The following NF2 variants were observed in gnomAD, a reference collection of about 807,000 sequenced individuals.
The protein encoded by NF2 is NF2, moesin-ezrin-radixin like (MERLIN) tumor suppressor.
Under a neutral mutation model 83.7 loss-of-function variants are expected in NF2, and 8 were observed. That is an observed-to-expected ratio of 0.10 (90% CI 0.06 to 0.17). The LOEUF (loss-of-function observed/expected upper bound fraction) is 0.17, where lower values mean the gene tolerates loss of function less well. NF2 is among the 10% of genes least tolerant of loss of function. NF2 has a pLI of 1.00. For synonymous variants in NF2, 266 were observed against 269.6 expected (o/e 0.99, Z 0.13); for missense variants, 533 against 744.4 (o/e 0.72, Z 3.31).
chr22:29,683,675 T>C (rs1369938346), intron 15 of NF2: 1 of 1,076,266 alleles, frequency 9.3e-7, no homozygotes, highest in East Asian at 4.8e-5. Context: ...TGTCTGTTCA[T>C]CTGTGCTCAG....
At chr22:29,670,087 C>T (rs2066736329) in intron 10 of NF2, among the ~76,000 whole-genome samples, 1 of 152,000 alleles carries the variant, frequency 6.6e-6, no homozygotes, top group African/African-American at 2.4e-5. Context: ...TAACCTCAAG[C>T]TCCTGGGCTT....
intron 8 of NF2, among the ~76,000 whole-genome samples, chr22:29,663,410 A>G (rs1276648807): frequency 1.3e-5 from 2 of 152,236 alleles, no homozygotes; most frequent in African/African-American, 4.8e-5. Flanking sequence ...CAGTAAGCAG[A>G]CCCCAAGCTG....
chr22:29,674,542 C>T (rs958857157), intron 12 of NF2, among the ~76,000 whole-genome samples: 1 of 152,234 alleles, frequency 6.6e-6, no homozygotes, highest in African/African-American at 2.4e-5. Context: ...GCTGCTGGTG[C>T]CCTCTCCAGC....
At chr22:29,679,855 C>A (rs1270470168) in intron 14 of NF2, among the ~76,000 whole-genome samples, 2 of 147,952 alleles carry the variant, frequency 1.4e-5, no homozygotes, top group African/African-American at 5.0e-5. Flanking sequence ...AACAGAGAGA[C>A]ACCCTGTCTC....
At chr22:29,645,158 T>A (rs1425392316) in intron 4 of NF2, among the ~76,000 whole-genome samples, 1 of 152,206 alleles carries the variant, frequency 6.6e-6, no homozygotes, top group Non-Finnish European at 1.5e-5. Flanking sequence ...GAAAAAAGGC[T>A]ATACATGCTA....
chr22:29,663,283 G>A (rs546075985), intron 8 of NF2, among the ~76,000 whole-genome samples: 5 of 152,240 alleles, frequency 3.3e-5, no homozygotes, highest in Admixed American at 1.3e-4. Flanking sequence ...CTAAACACCC[G>A]TTCTTCAAAG....
At chr22:29,680,572 T>C (rs2067101377) in intron 14 of NF2, among the ~76,000 whole-genome samples, 1 of 152,150 alleles carries the variant, frequency 6.6e-6, no homozygotes, top group Non-Finnish European at 1.5e-5. Flanking sequence ...TGCCTTGTAG[T>C]TGGACACTTT....
chr22:29,690,780 G>A (rs551004726), intron 15 of NF2, among the ~76,000 whole-genome samples: 11 of 152,320 alleles, frequency 7.2e-5, no homozygotes, highest in African/African-American at 2.6e-4. Flanking sequence ...CCCATGCCTG[G>A]TGCGGAGGCT....
chr22:29,623,845 G>A (rs1177763348), intron 1 of NF2, among the ~76,000 whole-genome samples: 2 of 152,164 alleles, frequency 1.3e-5, no homozygotes, highest in East Asian at 3.8e-4. Flanking sequence ...TTTCCCCCAG[G>A]CCTCAGTTCT....
In NF2 at chr22:29,668,581, T is replaced by G. The variant is rs185436329; in HGVS notation, c.999+135T>G. On this transcript the variant is annotated intron_variant, in intron 10 of 15. Coordinates refer to ENST00000338641, the MANE Select transcript of NF2 (RefSeq NM_000268.4). ...GCTCTTGTTTTATACCTTTTGGATC[T>G]TCATTTGCCGATGCCTACCTGGTGG... is the stretch of plus-strand genomic sequence containing the variant. 174 of 701,862 alleles carry G rather than the reference T, an allele frequency of 2.5e-4. No homozygotes were observed. In the African/African-American group the frequency reaches 2.7e-3, roughly 11 times the overall value. The allele number at this position is 701,862 out of a possible 1,614,324, so 43.5% of individuals were successfully genotyped here.
chr22:29,644,328 C>T (rs2065915132), intron 4 of NF2, among the ~76,000 whole-genome samples: 1 of 150,066 alleles, frequency 6.7e-6, no homozygotes, highest in Admixed American at 6.6e-5. Flanking sequence ...CGATGGGCGG[C>T]CGGGCAGAGA....
In NF2 at chr22:29,681,644, C is replaced by G. The variant is rs532587413; in HGVS notation, c.1737+43C>G. The G allele has an allele frequency of 2.5e-6, 4 of 1,611,808 alleles. No individual in the cohort carries two copies. In the East Asian group the frequency reaches 8.9e-5, roughly 36 times the overall value. On this transcript the variant is annotated intron_variant, in intron 15 of 15. Coordinates refer to ENST00000338641, the MANE Select transcript of NF2 (RefSeq NM_000268.4). Reference sequence around the variant, plus strand: ...CTTGTATTTTGCTGATCAGGACCATCATTAATGAAATGTGCGGTTGGCATC... The same window carrying G: ...CTTGTATTTTGCTGATCAGGACCATGATTAATGAAATGTGCGGTTGGCATC...
At chr22:29,609,148 G>C in intron 1 of NF2, 1 of 753,112 alleles carries the variant, frequency 1.3e-6, no homozygotes, top group Non-Finnish European at 2.5e-6. Flanking sequence ...ACATTCAGGA[G>C]AATGGGATGA....
chr22:29,681,196 A>G (rs536994071), intron 14 of NF2, among the ~76,000 whole-genome samples: 1 of 152,050 alleles, frequency 6.6e-6, no homozygotes, highest in South Asian at 2.1e-4. Flanking sequence ...GGCCTCCTAC[A>G]CTGTTTTATT....
rs534899982 is a variant in NF2, at chr22:29,675,360, G to A, written c.1446+419G>A. 1.3e-3 allele frequency among the ~76,000 whole-genome samples: 199 copies of A among 152,242 alleles called. 1 individual carries two copies. Among genetic ancestry groups the A allele is most frequent in the Non-Finnish European group, 4.0e-4 (27 of 68,020 alleles). On this transcript the variant is annotated intron_variant, in intron 13 of 15. Coordinates refer to ENST00000338641, the MANE Select transcript of NF2 (RefSeq NM_000268.4). Reference sequence around the variant, plus strand: ...GTACACCTCAGAGTGAATTACTGCCGTGCAAGAACGAGCAGCCACTCTCAG... The same window carrying A: ...GTACACCTCAGAGTGAATTACTGCCATGCAAGAACGAGCAGCCACTCTCAG...
Position 29,671,887 on chromosome 22 carries a change from A to C in NF2, c.1061A>C (p.Asp354Ala), listed in dbSNP as rs1601644179. The change falls in exon 11 of 16, where the codon GAT becomes GCT. Residue 354 changes from aspartate (D) to alanine (A), a missense_variant. Around this residue, in one of 3 missense-constraint regions of NF2, gnomAD observed 326 missense variants for 475.1 expected, o/e 0.69. Coordinates refer to ENST00000338641, the MANE Select transcript of NF2 (RefSeq NM_000268.4). ...AGGGAGGAGGCTGAACGCACGAGGG[A>C]TGAGTTGGAGAGGAGGCTGCTGCAG... is the stretch of plus-strand genomic sequence containing the variant. ...QMREEAERTRDELERRLLQMK... is the reference protein window; with the variant it reads ...QMREEAERTRAELERRLLQMK... 1 of 1,614,132 alleles carries C rather than the reference A, an allele frequency of 6.2e-7. No individual in the cohort carries two copies. Among genetic ancestry groups the C allele is most frequent in the Non-Finnish European group, 8.5e-7 (1 of 1,180,004 alleles).
chr22:29,655,807 A>G, intron 6 of NF2, 131 bp downstream of exon 6: 1 of 746,366 alleles, frequency 1.3e-6, no homozygotes, highest in South Asian at 1.6e-5. Flanking sequence ...AGAAAAGGGG[A>G]GAGCTGGGGA....
At chr22:29,672,620 ATT>A in intron 11 of NF2, among the ~76,000 whole-genome samples, 1 of 128,922 alleles carries the variant, frequency 7.8e-6, no homozygotes, top group East Asian at 2.3e-4. Context: ...CTGTACTTTT[ATT>A]TTTTTTTTTT....
At position 29,613,259 on chromosome 22, in the gene NF2, G is replaced by A. The variant is rs550046844; in HGVS notation, c.114+9147G>A. Among the ~76,000 whole-genome samples the A allele has an allele frequency of 7.2e-5, 11 of 152,130 alleles. No individual in the cohort carries two copies. In the Middle Eastern group the frequency reaches 0.01, roughly 141 times the overall value. ...AATCAAGACAACGTCACCAGGCACC[G>A]TGGCTTATGCCTATAATCCCAACAC... On this transcript the variant is annotated intron_variant, in intron 1 of 15. Transcript: ENST00000338641.
Sources: gnomAD v4.1 joint callset for allele counts (sites outside exome capture counted in the v4.1 genomes callset) on GRCh38, gnomAD v4.1.1 for gene constraint, gnomAD v4.1.1 regional missense constraint, MANE v1.5 for transcripts, NCBI Gene and HGNC (gene_info 2026-07-23, HGNC 2026-07-21) for gene names.